Variants in ZYG11B observed in about 807,000 individuals in gnomAD.
The protein encoded by ZYG11B is zyg-11 family member B, cell cycle regulator.
Under a neutral mutation model 82.4 loss-of-function variants are expected in ZYG11B, and 36 were observed. That is an observed-to-expected ratio of 0.44 (90% CI 0.33 to 0.58). The LOEUF (loss-of-function observed/expected upper bound fraction) is 0.58, where lower values mean the gene tolerates loss of function less well. Ranked by LOEUF, ZYG11B falls within the 20% of genes least tolerant of loss-of-function variation. ZYG11B has a pLI of 0.02. For missense variants in ZYG11B, 552 were observed against 895.6 expected, an observed-to-expected ratio of 0.62 and a Z score of 4.90; for synonymous variants, 303 against 312.8, an observed-to-expected ratio of 0.97 and a Z score of 0.33.
chr1:52,760,501 T>A (rs1476799580), intron 2 of ZYG11B, among the ~76,000 whole-genome samples: 2 of 152,310 alleles, frequency 1.3e-5, no homozygotes, highest in African/African-American at 2.4e-5. Flanking sequence ...CTGTTTCTAA[T>A]AGCATATTGA....
At chr1:52,796,943 A>T (rs1176518105) in intron 8 of ZYG11B, among the ~76,000 whole-genome samples, 159 bp downstream of exon 8, 3 of 99,140 alleles carry the variant, frequency 3.0e-5, no homozygotes, top group African/African-American at 4.1e-5. Context: ...TATTATATAT[A>T]ATGTATAATT....
At chr1:52,752,689 TGGCCTAAACTGTA>T (rs1354423900) in intron 1 of ZYG11B, among the ~76,000 whole-genome samples, 1 of 152,110 alleles carries the variant, frequency 6.6e-6, no homozygotes, top group Non-Finnish European at 1.5e-5. Flanking sequence ...GTGGGGACAG[TGGCCTAAACTGTA>T]GTGCTATGCT....
intron 4 of ZYG11B, among the ~76,000 whole-genome samples, chr1:52,780,355 A>C (rs546308708): frequency 1.3e-5 from 2 of 152,268 alleles, no homozygotes; most frequent in South Asian, 4.1e-4. Context: ...GATTTTTTAG[A>C]AATACAATAT....
intron 5 of ZYG11B, among the ~76,000 whole-genome samples, chr1:52,786,370 T>A (rs1644911719): frequency 6.6e-6 from 1 of 152,198 alleles, no homozygotes; most frequent in African/African-American, 2.4e-5. Context: ...TCTACTAAAA[T>A]CCATCAAATT....
intron 1 of ZYG11B, among the ~76,000 whole-genome samples, chr1:52,733,661 A>G (rs12059807): frequency 0.12 from 18,482 of 152,002 alleles, 2,554 homozygotes; most frequent in East Asian, 0.35. Flanking sequence ...ACACTGTAAG[A>G]TCAATCAATC....
chr1:52,816,389 A>G, intron 12 of ZYG11B, 143 bp from the exon 13 acceptor site: 2 of 619,264 alleles, frequency 3.2e-6, no homozygotes, highest in Non-Finnish European at 2.9e-6. Flanking sequence ...GTTAAGACAA[A>G]GAAATGATAT....
chr1:52,780,067 T>G (rs958475364), intron 4 of ZYG11B, 74 bp downstream of exon 4: 1 of 1,468,936 alleles, frequency 6.8e-7, no homozygotes, highest in Non-Finnish European at 9.2e-7. Flanking sequence ...AGAAAATTGG[T>G]GAAAATTTGC....
At chr1:52,783,820 A>G (rs188790244) in intron 4 of ZYG11B, among the ~76,000 whole-genome samples, 1,416 of 75,460 alleles carry the variant, frequency 0.019, 41 homozygotes, top group African/African-American at 0.044. Flanking sequence ...ACACACGTAT[A>G]TGTATACATA....
At chr1:52,760,950 A>G (rs1644625031) in intron 2 of ZYG11B, among the ~76,000 whole-genome samples, 1 of 151,644 alleles carries the variant, frequency 6.6e-6, no homozygotes, top group Non-Finnish European at 1.5e-5. Context: ...TTTAGTAGAG[A>G]CAGGGTTTCA....
In ZYG11B at chr1:52,771,015, C is replaced by A; in HGVS notation, c.197-5C>A. 6.3e-7 allele frequency: 1 copy of A among 1,588,888 alleles called. No individual in the cohort carries two copies. The highest frequency in any genetic ancestry group is 8.6e-7 in the Non-Finnish European group (1 of 1,164,950). ...GAATTTAAAACGCTGCTTGTTTTTC[C>A]ACAGGTCTATTGAATGATGGAACTG... On this transcript the variant is annotated splice_polypyrimidine_tract_variant and splice_region_variant and intron_variant, in intron 2 of 13. Coordinates refer to ENST00000294353, the MANE Select transcript of ZYG11B (RefSeq NM_024646.3). This position sits in a 1 kb window ranked among gnomAD's most constrained non-coding sequence, Gnocchi z 5.4.
At chr1:52,786,019 A>C (rs1332865240) in intron 5 of ZYG11B, among the ~76,000 whole-genome samples, 1 of 152,242 alleles carries the variant, frequency 6.6e-6, no homozygotes, top group African/African-American at 2.4e-5. Context: ...GCTATAAATA[A>C]GTCTGCCTAT....
intron 1 of ZYG11B, among the ~76,000 whole-genome samples, chr1:52,738,660 A>G (rs1644397925): frequency 6.7e-6 from 1 of 149,078 alleles, no homozygotes; most frequent in Non-Finnish European, 1.5e-5. Context: ...CTGGAGTGCA[A>G]TGGTGTGATC....
chr1:52,792,835 TTTTA>T (rs749439667), intron 6 of ZYG11B, among the ~76,000 whole-genome samples: 29 of 152,070 alleles, frequency 1.9e-4, no homozygotes, highest in Non-Finnish European at 3.4e-4. Flanking sequence ...TAGGTTTTTA[TTTTA>T]TTTATTTATT....
intron 5 of ZYG11B, among the ~76,000 whole-genome samples, chr1:52,787,455 A>AG (rs1644923027): frequency 6.6e-6 from 1 of 152,222 alleles, no homozygotes; most frequent in Admixed American, 6.5e-5. Flanking sequence ...GAGGGAAAAG[A>AG]GGGGGCCAAA....
chr1:52,740,261 G>A (rs548584472), intron 1 of ZYG11B, among the ~76,000 whole-genome samples: 4 of 152,310 alleles, frequency 2.6e-5, no homozygotes, highest in South Asian at 2.1e-4. Flanking sequence ...ATCACATGAC[G>A]TTAGATGAAA....
intron 8 of ZYG11B, 118 bp downstream of exon 8, chr1:52,796,902 A>T (rs1232419222): frequency 9.7e-6 from 1 of 102,638 alleles, no homozygotes; most frequent in African/African-American, 5.8e-5. Context: ...ATATATAATT[A>T]TATATATATT....
chr1:52,749,480 CTTT>C (rs1191095583), intron 1 of ZYG11B, among the ~76,000 whole-genome samples: 4 of 152,174 alleles, frequency 2.6e-5, no homozygotes, highest in African/African-American at 9.7e-5. Flanking sequence ...ATAGGTCTCT[CTTT>C]TTCCAACTTT....
intron 6 of ZYG11B, among the ~76,000 whole-genome samples, chr1:52,792,248 T>A (rs1170471376): frequency 6.6e-6 from 1 of 152,276 alleles, no homozygotes; most frequent in African/African-American, 2.4e-5. Context: ...AATGAATGAA[T>A]GAATATTACA....
chr1:52,756,326 A>G (rs933529640), intron 1 of ZYG11B, 132 bp from the exon 2 acceptor site: 27 of 771,706 alleles, frequency 3.5e-5, no homozygotes, highest in Middle Eastern at 3.8e-4. Flanking sequence ...ACTGCCTTAC[A>G]CAGTGTCTAG....
Sources: allele counts gnomAD v4.1 joint callset (sites outside exome capture counted in the v4.1 genomes callset), GRCh38; gene constraint gnomAD v4.1.1; non-coding constraint Gnocchi (gnomAD v3.1); transcripts MANE v1.5; gene names NCBI Gene and HGNC (gene_info 2026-07-23, HGNC 2026-07-21).